CCDC180: variants seen among roughly 807,000 people sequenced by gnomAD.
The protein encoded by CCDC180 is coiled-coil domain-containing protein 180.
Under a neutral mutation model 209.2 loss-of-function variants are expected in CCDC180, and 154 were observed. That is an observed-to-expected ratio of 0.74 (90% confidence interval 0.65 to 0.84). The LOEUF (loss-of-function observed/expected upper bound fraction) is 0.84, where lower values mean the gene tolerates loss of function less well. CCDC180 is among the 40% of genes least tolerant of loss of function. CCDC180 has a pLI of 0.00. For synonymous variants in CCDC180, 778 were observed against 749.1 expected, an observed-to-expected ratio of 1.04 and a Z score of -0.63; for missense variants, 1,874 against 1,997.3, an observed-to-expected ratio of 0.94 and a Z score of 1.18.
At chr9:97,349,020 G>A (rs1446860254) in intron 20 of CCDC180, 91 bp from the exon 21 acceptor site, 5 of 1,217,818 alleles carry the variant, frequency 4.1e-6, no homozygotes, top group South Asian at 1.5e-5. Flanking sequence ...AGCTGGCCTG[G>A]AAGAGGCAGC....
At chr9:97,375,230 C>A (rs924969317) in intron 35 of CCDC180, among the ~76,000 whole-genome samples, 5 of 152,172 alleles carry the variant, frequency 3.3e-5, no homozygotes, top group South Asian at 2.1e-4. Flanking sequence ...CCCTTCCCCC[C>A]CCAGAACCCC....
Position 97,364,114 on chromosome 9 carries a change from TC to T in CCDC180, c.3971del (p.Pro1324LeufsTer11). 1 of 1,613,752 alleles carries T rather than the reference TC, an allele frequency of 6.2e-7. No individual in the cohort carries two copies. Among genetic ancestry groups the T allele is most frequent in the Non-Finnish European group, 8.5e-7 (1 of 1,179,880 alleles). The part of the protein sequence containing the change: ...RKYRVLGDKP[P>X]PAAEDFKGII... ...AGTACCGGGTGCTTGGGGACAAGCC[TC>T]CCCCTGCTGCCGAGTGAGTAACAAC... On this transcript the variant is annotated frameshift_variant, in exon 29 of 37. Coordinates refer to ENST00000529487, the MANE Select transcript of CCDC180 (RefSeq NM_020893.6). LOFTEE classifies it high-confidence loss of function.
intron 28 of CCDC180, chr9:97,363,656 T>C: frequency 1.9e-6 from 1 of 517,380 alleles, no homozygotes; most frequent in East Asian, 5.8e-5. Context: ...ATTACGGTGT[T>C]TATATGAAAT....
At chr9:97,347,179 C>A in intron 19 of CCDC180, 135 bp from the exon 20 acceptor site, 1 of 794,428 alleles carries the variant, frequency 1.3e-6, no homozygotes, top group Non-Finnish European at 2.0e-6. Context: ...TCCATTTACA[C>A]AATGAAATGC....
At chr9:97,370,483 CCT>C (rs1827051284) in intron 32 of CCDC180, among the ~76,000 whole-genome samples, 156 bp from the exon 33 acceptor site, 1 of 152,024 alleles carries the variant, frequency 6.6e-6, no homozygotes, top group Non-Finnish European at 1.5e-5. Flanking sequence ...GCCATGCCCC[CCT>C]CTTAACCCCT....
chr9:97,348,959 A>T, intron 20 of CCDC180, 152 bp from the exon 21 acceptor site: 1 of 678,418 alleles, frequency 1.5e-6, no homozygotes, highest in Non-Finnish European at 2.4e-6. Flanking sequence ...GCCCTGATGA[A>T]GGCAACAGGG....
chr9:97,323,708 C>T, intron 12 of CCDC180, 73 bp from the exon 13 acceptor site: 1 of 1,488,376 alleles, frequency 6.7e-7, no homozygotes, highest in Admixed American at 2.2e-5. Context: ...AACGCTGAGG[C>T]CTGTAGGATG....
chr9:97,307,381 G>A (rs752056232), upstream of CCDC180: 1 of 517,468 alleles, frequency 1.9e-6, no homozygotes, highest in South Asian at 1.5e-5. Flanking sequence ...GGTGCTTTCT[G>A]CAGGCGGGGA....
chr9:97,369,889 C>T, intron 31 of CCDC180, 33 bp from the exon 32 acceptor site: 1 of 1,612,500 alleles, frequency 6.2e-7, no homozygotes, highest in Non-Finnish European at 8.5e-7. Flanking sequence ...TAATCTGTTC[C>T]CTCCCTTGGC....
At chr9:97,312,335 C>T (rs576096709) in intron 4 of CCDC180, 134 bp downstream of exon 4, 21 of 679,716 alleles carry the variant, frequency 3.1e-5, no homozygotes, top group East Asian at 8.5e-5. Flanking sequence ...CTCAGCCACC[C>T]GGAGGGCATT....
At position 97,312,168 on chromosome 9, in the gene CCDC180, G is replaced by A. The variant is rs199951239; in HGVS notation, c.316G>A (p.Ala106Thr). 4.8e-5 allele frequency: 77 copies of A among 1,613,986 alleles called. No individual in the cohort carries two copies. Among genetic ancestry groups the A allele is most frequent in the Non-Finnish European group, 6.4e-5 (75 of 1,179,982 alleles). Reference protein sequence around the residue: ...KARESENTIAAREVRGLMDTI... With the variant: ...KARESENTIATREVRGLMDTI... ...CCGAGAGAGTGAGAACACCATCGCT[G>A]CCCGAGAAGTGCGGGGTCTCATGGA... The change falls in exon 4 of 37, where the codon GCC (alanine) becomes ACC (threonine). Residue 106 changes from alanine to threonine, a missense_variant. Transcript: ENST00000529487.
At chr9:97,337,510 A>G (rs1476169939) in intron 18 of CCDC180, among the ~76,000 whole-genome samples, 1 of 152,088 alleles carries the variant, frequency 6.6e-6, no homozygotes, top group Non-Finnish European at 1.5e-5. Context: ...CCAGGGATGA[A>G]GCCAACTTGA....
At chr9:97,307,644 C>A, upstream of CCDC180, 1 of 1,260,108 alleles carries the variant, frequency 7.9e-7, no homozygotes, top group Non-Finnish European at 1.2e-6. Flanking sequence ...GAGTTCCAGT[C>A]CCAACCGACA....
In CCDC180 at chr9:97,366,885, A is replaced by G. The variant is rs1826939061; in HGVS notation, c.4189+185A>G. Among the ~76,000 whole-genome samples, 1 of 152,252 alleles carries G rather than the reference A, an allele frequency of 6.6e-6. No individual in the cohort carries two copies. Among genetic ancestry groups the G allele is most frequent in the Admixed American group, 6.5e-5 (1 of 15,288 alleles). On this transcript the variant is annotated intron_variant, in intron 31 of 36. Coordinates refer to ENST00000529487, the MANE Select transcript of CCDC180 (RefSeq NM_020893.6). This position sits in a 1 kb window ranked among gnomAD's most constrained non-coding sequence, Gnocchi z 4.3. ...CAGATTTTACTGGGGAAATGCGACC[A>G]TGCAAGAAAAAAGTTCACTTTTCTT...
At chr9:97,325,963 G>A (rs1299771476) in intron 14 of CCDC180, among the ~76,000 whole-genome samples, 1 of 152,084 alleles carries the variant, frequency 6.6e-6, no homozygotes, top group Non-Finnish European at 1.5e-5. Context: ...TGAGTGGGGG[G>A]AATAACTCCA....
intron 25 of CCDC180, among the ~76,000 whole-genome samples, chr9:97,359,067 C>T (rs774675891): frequency 3.9e-5 from 6 of 152,212 alleles, no homozygotes; most frequent in Non-Finnish European, 8.8e-5. Context: ...CTTGTTTCTA[C>T]ACATCCACTG....
chr9:97,349,402 C>T, intron 21 of CCDC180, 111 bp downstream of exon 21: 1 of 852,746 alleles, frequency 1.2e-6, no homozygotes. Context: ...GAAGGCACCT[C>T]CAGAGCCTTC....
rs1564166583 is a variant in CCDC180, at chr9:97,348,998, T to C, written c.2675-113T>C. ...GGACAAGGGGCCTTGACCTGAATTG[T>C]TCCTGTTCTGCAGCTGGCCTGGAAG... On this transcript the variant is annotated intron_variant, in intron 20 of 36. Coordinates refer to ENST00000529487, the MANE Select transcript of CCDC180 (RefSeq NM_020893.6). 3.9e-6 allele frequency: 4 copies of C among 1,018,818 alleles called. No individual in the cohort carries two copies. In the African/African-American group the frequency reaches 4.8e-5, roughly 12 times the overall value. The allele number at this position is 1,018,818 out of a possible 1,614,324, so 63.1% of individuals were successfully genotyped here.
chr9:97,350,574 G>A lies in CCDC180; in HGVS notation c.3002+19G>A. 2 of 1,534,882 alleles carry A rather than the reference G, an allele frequency of 1.3e-6. No individual in the cohort carries two copies. Among genetic ancestry groups the A allele is most frequent in the Non-Finnish European group, 1.7e-6 (2 of 1,146,094 alleles). On this transcript the variant is annotated intron_variant, in intron 22 of 36. Transcript: ENST00000529487. ...ACTGCAGGTGGGAGCCAGTGTCCAG[G>A]GCCTCTTCAGGCCACCTGAGTTTCT...
Sources: allele counts gnomAD v4.1 joint callset (sites outside exome capture counted in the v4.1 genomes callset), GRCh38; gene constraint gnomAD v4.1.1; non-coding constraint Gnocchi (gnomAD v3.1); transcripts MANE v1.5; gene names NCBI Gene and HGNC (gene_info 2026-07-23, HGNC 2026-07-21).